The following JPH2 variants were observed in gnomAD, a reference collection of about 807,000 sequenced individuals.
The protein encoded by JPH2 is junctophilin-2.
Under a neutral mutation model 55.9 loss-of-function variants are expected in JPH2, and 38 were observed. The observed-to-expected ratio is 0.68, with a 90% CI of 0.52 to 0.89. JPH2 has a LOEUF of 0.89. Among genes scored for constraint, JPH2 ranks in the 40% least tolerant of loss-of-function variants. The pLI is 0.00. For synonymous variants in JPH2, 480 were observed against 472.4 expected, an observed-to-expected ratio of 1.02 and a Z score of -0.21; for missense variants, 964 against 1,037.6, an observed-to-expected ratio of 0.93 and a Z score of 0.97.
In JPH2 at chr20:44,115,950, C is replaced by A. The variant is rs1395732861; in HGVS notation, c.1725G>T (p.Pro575=). Reference sequence around the variant, plus strand: ...GGTCCTCAAAGGGTGGGGGCTCGGGCGGCGTGGTGCGCACAGCATAGCTGT... The same window carrying A: ...GGTCCTCAAAGGGTGGGGGCTCGGGAGGCGTGGTGCGCACAGCATAGCTGT... The part of the protein sequence containing the change: ...GYHSYAVRTT[P]PEPPPFEDQP... Residue 575 remains proline, a synonymous_variant, in exon 4 of 6, where the codon CCG becomes CCT. Coordinates refer to ENST00000372980, the MANE Select transcript of JPH2 (RefSeq NM_020433.5). The A allele has an allele frequency of 6.4e-7, 1 of 1,568,688 alleles. No individual in the cohort carries two copies. Among genetic ancestry groups the A allele is most frequent in the Admixed American group, 1.8e-5 (1 of 55,144 alleles).
chr20:44,147,091 G>A (rs1215367361), intron 2 of JPH2, among the ~76,000 whole-genome samples: 1 of 152,114 alleles, frequency 6.6e-6, no homozygotes, highest in African/African-American at 2.4e-5. Flanking sequence ...TTCACTCAGG[G>A]GTACTGTGGA....
intron 2 of JPH2, among the ~76,000 whole-genome samples, chr20:44,137,734 C>A (rs540802832): frequency 6.6e-6 from 1 of 152,192 alleles, no homozygotes; most frequent in African/African-American, 2.4e-5. Flanking sequence ...GTTCCAACCC[C>A]GTTGCCTTAT....
At chr20:44,178,474 C>T (rs1042580000) in intron 1 of JPH2, among the ~76,000 whole-genome samples, 4 of 152,138 alleles carry the variant, frequency 2.6e-5, no homozygotes, top group African/African-American at 7.2e-5. Context: ...ACCATGTTCA[C>T]GGGTTGGAAG....
intron 1 of JPH2, among the ~76,000 whole-genome samples, chr20:44,182,040 C>T (rs554916911): frequency 2.0e-5 from 3 of 152,330 alleles, no homozygotes; most frequent in Non-Finnish European, 4.4e-5. Context: ...TTACTAAGTA[C>T]TCATTCATCC....
chr20:44,167,233 T>A (rs1051100692), intron 1 of JPH2, among the ~76,000 whole-genome samples: 1 of 152,216 alleles, frequency 6.6e-6, no homozygotes, highest in Non-Finnish European at 1.5e-5. Flanking sequence ...CATGACCATT[T>A]GTTCACCAGA....
intron 1 of JPH2, among the ~76,000 whole-genome samples, chr20:44,185,205 G>T (rs2072823069): frequency 1.3e-5 from 2 of 152,160 alleles, no homozygotes; most frequent in South Asian, 4.1e-4. Context: ...TACTCAGGAG[G>T]CCAAGATGGG....
chr20:44,146,806 T>TA (rs759693351), intron 2 of JPH2, among the ~76,000 whole-genome samples: 26 of 152,348 alleles, frequency 1.7e-4, no homozygotes, highest in Admixed American at 1.2e-3. Context: ...AAAAGACTGA[T>TA]AGCACATAGC....
intron 1 of JPH2, among the ~76,000 whole-genome samples, chr20:44,162,305 C>CT (rs2072616765): frequency 6.6e-6 from 1 of 152,100 alleles, no homozygotes; most frequent in Non-Finnish European, 1.5e-5. Context: ...TCCTGGAACT[C>CT]TTTTCCTCCA....
intron 2 of JPH2, among the ~76,000 whole-genome samples, chr20:44,132,351 GACAGAC>G (rs1311743738): frequency 1.5e-4 from 10 of 67,494 alleles, no homozygotes; most frequent in East Asian, 1.4e-3. Flanking sequence ...GAGGCAGACA[GACAGAC>G]ACACACACAC....
At chr20:44,149,296 C>G (rs1275882315) in intron 2 of JPH2, among the ~76,000 whole-genome samples, 4 of 152,176 alleles carry the variant, frequency 2.6e-5, no homozygotes, top group Non-Finnish European at 4.4e-5. Context: ...CTAGCCCTTG[C>G]CATACTCTCG....
Position 44,117,446 on chromosome 20 carries a change from T to C in JPH2, c.1288+1059A>G, listed in dbSNP as rs1341475180. Among the ~76,000 whole-genome samples, 7 of 152,268 alleles carry C rather than the reference T, an allele frequency of 4.6e-5. No homozygotes were observed. The East Asian group carries it at 1.3e-3, about 29-fold the overall frequency. On this transcript the variant is annotated intron_variant, in intron 3 of 5. Transcript: ENST00000372980. ...CAGCCTACTTTGTGATGTGGCTTCC[T>C]GGCATGCTGCTCTGTCCGAGTTTCT...
At chr20:44,135,117 C>T (rs963971537) in intron 2 of JPH2, among the ~76,000 whole-genome samples, 1 of 151,182 alleles carries the variant, frequency 6.6e-6, no homozygotes, top group Non-Finnish European at 1.5e-5. Flanking sequence ...TACTGGGGTG[C>T]CCAGCTAGAT....
rs1491540185 is a variant in JPH2 at position 44,180,338 on chromosome 20, TTA to T, written c.379+5987_379+5988del. Among the ~76,000 whole-genome samples, 383 of 149,924 alleles carry T rather than the reference TTA, an allele frequency of 2.6e-3. 3 individuals carry two copies. Among genetic ancestry groups the T allele is most frequent in the African/African-American group, 8.2e-3 (332 of 40,736 alleles). On this transcript the variant is annotated intron_variant, in intron 1 of 5. Coordinates refer to ENST00000372980, the MANE Select transcript of JPH2 (RefSeq NM_020433.5). ...TATCTTTATTATTATTATATTTATT[TTA>T]TTTTTTTTTGACACAGTGTCTCATT...
In JPH2 at chr20:44,133,923, TATAA is replaced by T. The variant is rs1375189912; in HGVS notation, c.1170-15304_1170-15301del. On this transcript the variant is annotated intron_variant, in intron 2 of 5. Transcript: ENST00000372980. ...ATATAAATAAATATACATTATAATA[TATAA>T]ATATATATTTATTATAAATATATAT... 6.9e-5 allele frequency among the ~76,000 whole-genome samples: 3 copies of T among 43,744 alleles called. 1 individual carries two copies. Among genetic ancestry groups the T allele is most frequent in the African/African-American group, 2.0e-4 (2 of 9,986 alleles). 28.7% of individuals were successfully genotyped at this position (43,744 alleles called of 152,430 possible). A position where few individuals can be genotyped will look rare whatever the true frequency, so the allele number is the denominator to read the frequency against.
intron 2 of JPH2, among the ~76,000 whole-genome samples, chr20:44,156,845 C>T (rs1327347093): frequency 2.0e-5 from 3 of 152,156 alleles, no homozygotes; most frequent in African/African-American, 7.2e-5. Flanking sequence ...TTGCCTCTAA[C>T]CAAGATGTTT....
chr20:44,131,032 A>G (rs1458311695), intron 2 of JPH2, among the ~76,000 whole-genome samples: 1 of 152,190 alleles, frequency 6.6e-6, no homozygotes, highest in Non-Finnish European at 1.5e-5. Flanking sequence ...TCTTCTTCAA[A>G]GTAAGAGATG....
rs1309611422 is a variant in JPH2 at position 44,109,657 on chromosome 20, T to C, written c.*3861A>G. ...CAAGAACCTAAGAGCTATTTTAATTTCAGCATACATGCAAGTTTTATGTTT... is the reference window on the plus strand; with the variant it reads ...CAAGAACCTAAGAGCTATTTTAATTCCAGCATACATGCAAGTTTTATGTTT... On this transcript the variant is annotated 3_prime_UTR_variant, in exon 6 of 6. Coordinates refer to ENST00000372980, the MANE Select transcript of JPH2 (RefSeq NM_020433.5). Among the ~76,000 whole-genome samples, 1 of 152,242 alleles carries C rather than the reference T, an allele frequency of 6.6e-6. No homozygotes were observed. The highest frequency in any genetic ancestry group is 1.5e-5 in the Non-Finnish European group (1 of 68,042).
In JPH2 at chr20:44,160,007, G is replaced by T; in HGVS notation, c.780C>A (p.Ala260=). ...KSDLSSGASD[A]ASTASLGEAA... ...CCTCTCCCAGGCTGGCGGTGGACGC[G>T]GCGTCGCTGGCGCCCGAGCTGAGGT... Residue 260 remains alanine, a synonymous_variant, in exon 2 of 6, where the codon GCC becomes GCA. Transcript: ENST00000372980. The surrounding 1 kb of genome is among the most constrained non-coding windows in gnomAD (Gnocchi z 4.9). 1.3e-6 allele frequency: 2 copies of T among 1,573,502 alleles called. No homozygotes were observed. The highest frequency in any genetic ancestry group is 1.8e-5 in the Admixed American group (1 of 55,786).
chr20:44,121,535 C>T (rs1024495841), intron 2 of JPH2, among the ~76,000 whole-genome samples: 1 of 152,164 alleles, frequency 6.6e-6, no homozygotes, highest in Non-Finnish European at 1.5e-5. Flanking sequence ...AGAAAGGTGT[C>T]TTGCTCAAGG....
Sources: gnomAD v4.1 joint callset for allele counts (sites outside exome capture counted in the v4.1 genomes callset) on GRCh38, gnomAD v4.1.1 for gene constraint, Gnocchi (gnomAD v3.1) non-coding constraint, MANE v1.5 for transcripts, NCBI Gene and HGNC (gene_info 2026-07-23, HGNC 2026-07-21) for gene names.